Variants in CDK5RAP2 observed in about 807,000 individuals in gnomAD.
CDK5RAP2 encodes the protein CDK5 regulatory subunit associated protein 2, also known as CDK5 regulatory subunit-associated protein 2.
CDK5RAP2 carries 147 observed loss-of-function variants against 232.9 expected under a neutral mutation model. The ratio of observed to expected loss-of-function variants is 0.63; its 90% CI spans 0.55 to 0.72. The LOEUF (loss-of-function observed/expected upper bound fraction) is 0.72. Ranked by LOEUF, CDK5RAP2 falls within the 30% of genes least tolerant of loss-of-function variation. The pLI, the probability that CDK5RAP2 is intolerant of heterozygous loss-of-function variation, is 0.00. For synonymous variants in CDK5RAP2, 833 were observed against 833.7 expected (o/e 1.00, Z 0.01); for missense variants, 2,195 against 2,231.5 (o/e 0.98, Z 0.33).
chr9:120,562,894 GGA>G (rs2042512120), intron 3 of CDK5RAP2, among the ~76,000 whole-genome samples: 1 of 152,014 alleles, frequency 6.6e-6, no homozygotes. Flanking sequence ...ACCAAAATTT[GGA>G]GCTTTAGTAT....
chr9:120,568,344 G>A lies in CDK5RAP2; in HGVS notation c.172C>T (p.Arg58Trp), dbSNP rs890773739. The A allele has an allele frequency of 5.0e-6, 8 of 1,613,448 alleles. No individual in the cohort carries two copies. The highest frequency in any genetic ancestry group is 1.1e-5 in the South Asian group (1 of 91,076). ...ACATTTTCAAAGTCCTTCATGTTCCGTGCTCTGGTGGGAGACACTGTTTCT... is the reference window on the plus strand; with the variant it reads ...ACATTTTCAAAGTCCTTCATGTTCCATGCTCTGGTGGGAGACACTGTTTCT... The part of the protein sequence containing the change: ...SEETVSPTRA[R>W]NMKDFENQIT... Residue 58 changes from arginine to tryptophan, a missense_variant, in exon 3 of 38, where the codon CGG (arginine) becomes TGG (tryptophan). Arg to Trp is a moderately radical substitution (Grantham distance 101). Transcript: ENST00000349780.
chr9:120,511,289 C>T (rs1400621841), intron 12 of CDK5RAP2, among the ~76,000 whole-genome samples: 3 of 152,212 alleles, frequency 2.0e-5, no homozygotes. Flanking sequence ...ACCAGGACTG[C>T]TTGATCTGGA....
At position 120,448,068 on chromosome 9, in the gene CDK5RAP2, A is replaced by G. The variant is rs143361777; in HGVS notation, c.2852T>C (p.Met951Thr). 70 of 1,614,164 alleles carry G rather than the reference A, an allele frequency of 4.3e-5. No individual in the cohort carries two copies. The African/African-American group carries it at 4.4e-4, about 10-fold the overall frequency. Residue 951 changes from methionine to threonine, a missense_variant, in exon 22 of 38, where the codon ATG becomes ACG. Physicochemically the swap from Met to Thr is moderately conservative, Grantham distance 81. Coordinates refer to ENST00000349780, the MANE Select transcript of CDK5RAP2 (RefSeq NM_018249.6). ...CTCCTGGGTGGCAGGGAGACGATAC[A>G]TATTTCCTAATGACCGGGATGGTTT... Reference protein sequence around the residue: ...LIKPSRSLGNMYRLPATQEVV... With the variant: ...LIKPSRSLGNTYRLPATQEVV...
chr9:120,520,720 G>GAA (rs67156609), intron 11 of CDK5RAP2, among the ~76,000 whole-genome samples: 1 of 952 alleles, frequency 1.1e-3, no homozygotes, highest in African/African-American at 1.3e-3. Flanking sequence ...CATATATCAT[G>GAA]ATATATCATA....
At chr9:120,500,381 C>A (rs2131709857) in intron 12 of CDK5RAP2, among the ~76,000 whole-genome samples, 1 of 152,286 alleles carries the variant, frequency 6.6e-6, no homozygotes, top group South Asian at 2.1e-4. Flanking sequence ...ATTCTTTCTA[C>A]AATGTGACAA....
At chr9:120,533,981 C>T (rs2041275785) in intron 7 of CDK5RAP2, among the ~76,000 whole-genome samples, 1 of 152,066 alleles carries the variant, frequency 6.6e-6, no homozygotes, top group Non-Finnish European at 1.5e-5. Flanking sequence ...TCAGCTCTTT[C>T]CTGGATTTCT....
chr9:120,547,452 A>C (rs2132036729), intron 4 of CDK5RAP2, among the ~76,000 whole-genome samples: 2 of 152,198 alleles, frequency 1.3e-5, no homozygotes. Context: ...AAAAATACAA[A>C]AATTAGCCAG....
At chr9:120,424,896 T>C (rs922236982) in intron 25 of CDK5RAP2, among the ~76,000 whole-genome samples, 1 of 152,076 alleles carries the variant, frequency 6.6e-6, no homozygotes, top group Non-Finnish European at 1.5e-5. Context: ...GAGTATTCAC[T>C]GTGCTGGCCA....
chr9:120,477,418 C>A lies in CDK5RAP2; in HGVS notation c.1659G>T (p.Leu553=). 1 of 1,613,848 alleles carries A rather than the reference C, an allele frequency of 6.2e-7. No individual in the cohort carries two copies. The highest frequency in any genetic ancestry group is 8.5e-7 in the Non-Finnish European group (1 of 1,179,862). ...CCTGCTCTTTCTTTAAGACCTGAAT[C>A]AGCTCTTCATAGTCTGATGATTGTT... The part of the protein sequence containing the change: ...EKKQSSDYEE[L]IQVLKKEQDI... Residue 553 remains leucine, a synonymous_variant, in exon 15 of 38, where the codon CTG becomes CTT. Coordinates refer to ENST00000349780, the MANE Select transcript of CDK5RAP2 (RefSeq NM_018249.6).
At chr9:120,470,941 G>C (rs893279327) in intron 16 of CDK5RAP2, among the ~76,000 whole-genome samples, 4 of 152,186 alleles carry the variant, frequency 2.6e-5, no homozygotes, top group African/African-American at 9.7e-5. Context: ...TAGACTTAAA[G>C]GAAGATGCCC....
intron 32 of CDK5RAP2, 66 bp from the exon 33 acceptor site, chr9:120,404,179 G>A: frequency 2.0e-6 from 2 of 1,013,220 alleles, no homozygotes; most frequent in East Asian, 2.4e-5. Context: ...AGAACTGAAA[G>A]AGAATACAGT....
chr9:120,411,126 C>T (rs554770760), intron 29 of CDK5RAP2, among the ~76,000 whole-genome samples: 6 of 152,182 alleles, frequency 3.9e-5, no homozygotes, highest in Admixed American at 6.5e-5. Flanking sequence ...AGCTTTACAC[C>T]GTTCAACTGT....
At chr9:120,421,443 G>C (rs79382987) in intron 26 of CDK5RAP2, among the ~76,000 whole-genome samples, 2,721 of 152,256 alleles carry the variant, frequency 0.018, 83 homozygotes, top group African/African-American at 0.062. Context: ...CAAAAGCCCT[G>C]ATTAAAACTC....
chr9:120,499,390 T>G (rs1216256004), intron 12 of CDK5RAP2, among the ~76,000 whole-genome samples: 1 of 150,688 alleles, frequency 6.6e-6, no homozygotes, highest in Non-Finnish European at 1.5e-5. Context: ...GAGCAGGGGT[T>G]TTTTTTTTAA....
intron 12 of CDK5RAP2, among the ~76,000 whole-genome samples, chr9:120,513,200 C>T (rs2040174210): frequency 6.6e-6 from 1 of 152,210 alleles, no homozygotes; most frequent in African/African-American, 2.4e-5. Context: ...ATAACCCTGA[C>T]CTCTCAGAGC....
Position 120,471,719 on chromosome 9 carries a change from AAGAGAAGCAC to A in CDK5RAP2, c.1858+19_1858+28del. 1 of 1,613,892 alleles carries A rather than the reference AAGAGAAGCAC, an allele frequency of 6.2e-7. No homozygotes were observed. Among genetic ancestry groups the A allele is most frequent in the Non-Finnish European group, 8.5e-7 (1 of 1,179,792 alleles). On this transcript the variant is annotated intron_variant, in intron 16 of 37. Transcript: ENST00000349780. ...CCATGCCCTCCAAGTGGAAAAACCA[AAGAGAAGCAC>A]ATAGAATAAAGTGTGTACCTTCCCG...
chr9:120,414,913 C>T (rs2034115891), intron 28 of CDK5RAP2, 127 bp downstream of exon 28: 1 of 1,150,280 alleles, frequency 8.7e-7, no homozygotes, highest in Non-Finnish European at 1.3e-6. Flanking sequence ...GGCTGGCAGA[C>T]TTCTCCAAGA....
At chr9:120,463,159 C>T (rs1427201380) in intron 18 of CDK5RAP2, among the ~76,000 whole-genome samples, 1 of 152,136 alleles carries the variant, frequency 6.6e-6, no homozygotes, top group Non-Finnish European at 1.5e-5. Context: ...ATCACGAAGT[C>T]AGGAGATCGA....
intron 35 of CDK5RAP2, 131 bp from the exon 36 acceptor site, chr9:120,394,769 C>A: frequency 1.2e-6 from 1 of 829,436 alleles, no homozygotes. Context: ...AAACTAGAAG[C>A]CTTTTCCTGA....
Sources: allele counts gnomAD v4.1 joint callset (sites outside exome capture counted in the v4.1 genomes callset), GRCh38; gene constraint gnomAD v4.1.1; transcripts MANE v1.5; gene names NCBI Gene and HGNC (gene_info 2026-07-23, HGNC 2026-07-21).